PRKG1: variants seen among roughly 807,000 people sequenced by gnomAD.
The protein encoded by PRKG1 is cGMP-dependent protein kinase 1.
Under a neutral mutation model 88.1 loss-of-function variants are expected in PRKG1, and 35 were observed. That is an observed-to-expected ratio of 0.40 (90% CI 0.30 to 0.53). The LOEUF (loss-of-function observed/expected upper bound fraction) is 0.53. PRKG1 is among the 20% of genes least tolerant of loss of function. The probability of loss-of-function intolerance (pLI) is 0.59; values close to 1 mark genes in which losing one functional copy is unlikely to be tolerated. For synonymous variants in PRKG1, 303 were observed against 292.5 expected, an observed-to-expected ratio of 1.04 and a Z score of -0.37; for missense variants, 540 against 839.8, an observed-to-expected ratio of 0.64 and a Z score of 4.41.
intron 3 of PRKG1, among the ~76,000 whole-genome samples, chr10:51,486,500 A>G (rs1840544708): frequency 6.6e-6 from 1 of 152,174 alleles, no homozygotes; most frequent in South Asian, 2.1e-4. Flanking sequence ...GGCTTTTAAA[A>G]TACACTAAAC....
At chr10:51,585,300 AAAG>A (rs2132195388) in intron 3 of PRKG1, among the ~76,000 whole-genome samples, 1 of 152,258 alleles carries the variant, frequency 6.6e-6, no homozygotes, top group African/African-American at 2.4e-5. Context: ...ATAATTTATA[AAAG>A]AATAATATTA....
At chr10:51,748,554 T>G (rs1327780710) in intron 3 of PRKG1, among the ~76,000 whole-genome samples, 1 of 152,212 alleles carries the variant, frequency 6.6e-6, no homozygotes, top group Non-Finnish European at 1.5e-5. Flanking sequence ...TATGAGTGAA[T>G]CTGAAAGATA....
At chr10:51,023,001 A>G (rs1843160600) in intron 1 of PRKG1, among the ~76,000 whole-genome samples, 1 of 152,208 alleles carries the variant, frequency 6.6e-6, no homozygotes, top group South Asian at 2.1e-4. Context: ...CCGTCTCAGA[A>G]ACAAAATAAA....
chr10:51,985,233 A>C (rs1844123241), intron 5 of PRKG1, among the ~76,000 whole-genome samples: 1 of 152,204 alleles, frequency 6.6e-6, no homozygotes, highest in Admixed American at 6.5e-5. Context: ...AGGTTAGCCC[A>C]GGAGCAAAAG....
intron 1 of PRKG1, among the ~76,000 whole-genome samples, chr10:51,041,241 G>A (rs1843417068): frequency 6.6e-6 from 1 of 152,116 alleles, no homozygotes; most frequent in South Asian, 2.1e-4. Flanking sequence ...CTGGTCCAGG[G>A]CAGGTCTGGA....
chr10:51,100,169 C>T (rs907472259), intron 1 of PRKG1, among the ~76,000 whole-genome samples: 7 of 152,110 alleles, frequency 4.6e-5, no homozygotes, highest in African/African-American at 1.7e-4. Flanking sequence ...GCTGTGATTA[C>T]AGAAATGAGC....
intron 2 of PRKG1, among the ~76,000 whole-genome samples, chr10:51,215,420 G>T (rs1665252850): frequency 6.6e-6 from 1 of 152,102 alleles, no homozygotes. Flanking sequence ...GGTCTCCATG[G>T]AGGTCATATA....
Position 51,462,178 on chromosome 10 carries a change from C to A in PRKG1, c.479-5545C>A, listed in dbSNP as rs560083412. On this transcript the variant is annotated intron_variant, in intron 2 of 17. Transcript: ENST00000373980. ...TTACAGAAGGAAGGAGATAAGAGTT[C>A]TTGTCTAGACAAGACCTTTGTTAGA... Among the ~76,000 whole-genome samples, 10 of 152,298 alleles carry A rather than the reference C, an allele frequency of 6.6e-5. No homozygotes were observed. The South Asian group carries it at 2.1e-3, about 32-fold the overall frequency.
intron 8 of PRKG1, among the ~76,000 whole-genome samples, chr10:52,158,107 C>T (rs1440275569): frequency 6.6e-6 from 1 of 151,602 alleles, no homozygotes; most frequent in Non-Finnish European, 1.5e-5. Context: ...TTAAGTTTAG[C>T]ATGTAGAAAT....
At chr10:52,017,698 A>G (rs1706926842) in intron 5 of PRKG1, among the ~76,000 whole-genome samples, 1 of 152,172 alleles carries the variant, frequency 6.6e-6, no homozygotes, top group Non-Finnish European at 1.5e-5. Flanking sequence ...ATTGAATATG[A>G]GTCTGGAGGT....
intron 1 of PRKG1, among the ~76,000 whole-genome samples, chr10:51,014,316 CT>C (rs1589107180): frequency 8.3e-6 from 1 of 121,038 alleles, no homozygotes. Context: ...TGCAGGCATT[CT>C]CTTTTTTTTT....
At chr10:51,773,414 A>G (rs1838355222) in intron 3 of PRKG1, among the ~76,000 whole-genome samples, 1 of 152,044 alleles carries the variant, frequency 6.6e-6, no homozygotes, top group African/African-American at 2.4e-5. Context: ...TAGTTCCTGT[A>G]ACTGCTTAAA....
intron 2 of PRKG1, among the ~76,000 whole-genome samples, chr10:51,369,790 A>C (rs182975616): frequency 2.8e-3 from 426 of 152,138 alleles, no homozygotes; most frequent in Non-Finnish European, 5.0e-3. Context: ...CTTTAGGACC[A>C]TGTGTCCCCT....
At chr10:51,070,244 T>C (rs1843808620), upstream of PRKG1, among the ~76,000 whole-genome samples, 1 of 152,134 alleles carries the variant, frequency 6.6e-6, no homozygotes, top group Admixed American at 6.5e-5. Context: ...TAATAGAATA[T>C]TAATAATATT....
chr10:52,252,735 T>G (rs1841204974), intron 10 of PRKG1: 1 of 152,010 alleles, frequency 6.6e-6, no homozygotes, highest in African/African-American at 2.4e-5. Context: ...CTCACTGAAT[T>G]GGTATTATGC....
intron 3 of PRKG1, among the ~76,000 whole-genome samples, chr10:51,510,226 T>C (rs1318406684): frequency 6.6e-6 from 1 of 152,168 alleles, no homozygotes; most frequent in East Asian, 1.9e-4. Context: ...ATAAATATAG[T>C]ATATATTTAC....
At chr10:51,638,887 T>C (rs1040216958) in intron 3 of PRKG1, among the ~76,000 whole-genome samples, 3 of 152,106 alleles carry the variant, frequency 2.0e-5, no homozygotes, top group African/African-American at 7.2e-5. Flanking sequence ...TGAATGAAAA[T>C]GAAATACCTT....
intron 9 of PRKG1, among the ~76,000 whole-genome samples, chr10:52,224,838 T>TATATATATATATATATACAC (rs1172536011): frequency 7.4e-6 from 1 of 135,810 alleles, no homozygotes; most frequent in African/African-American, 2.9e-5. Flanking sequence ...TATATATATA[T>TATATATATATATATATACAC]ACATACATAC....
chr10:51,794,390 C>T (rs1234834441), intron 3 of PRKG1, among the ~76,000 whole-genome samples: 1 of 152,106 alleles, frequency 6.6e-6, no homozygotes, highest in Non-Finnish European at 1.5e-5. Context: ...TTCCATCTAA[C>T]AGCTGTAGAA....
Sources: gnomAD v4.1 joint callset for allele counts (sites outside exome capture counted in the v4.1 genomes callset) on GRCh38, gnomAD v4.1.1 for gene constraint, MANE v1.5 for transcripts, NCBI Gene and HGNC (gene_info 2026-07-23, HGNC 2026-07-21) for gene names.